KIAA0319: variants seen among roughly 807,000 people sequenced by gnomAD.
The protein encoded by KIAA0319 is KIAA0319, also known as dyslexia-associated protein KIAA0319.
KIAA0319 carries 83 observed loss-of-function variants against 108.4 expected under a neutral mutation model. The ratio of observed to expected loss-of-function variants is 0.77; its 90% confidence interval spans 0.64 to 0.92. The LOEUF (loss-of-function observed/expected upper bound fraction) is 0.92, where lower values mean the gene tolerates loss of function less well. KIAA0319 is among the 40% of genes least tolerant of loss of function. KIAA0319 has a pLI of 0.00. For synonymous variants in KIAA0319, 484 were observed against 510.4 expected (o/e 0.95, Z 0.70); for missense variants, 1,195 against 1,322.4 (o/e 0.90, Z 1.49).
chr6:24,608,026 A>T (rs535825240), intron 1 of KIAA0319, among the ~76,000 whole-genome samples: 2 of 152,306 alleles, frequency 1.3e-5, no homozygotes, highest in African/African-American at 2.4e-5. Context: ...CATCGCTTCA[A>T]ATTCTAACAA....
intron 1 of KIAA0319, among the ~76,000 whole-genome samples, chr6:24,624,017 C>CTTTTCTTTT (rs1774342718): frequency 2.0e-5 from 1 of 50,538 alleles, no homozygotes; most frequent in Non-Finnish European, 3.6e-5. Context: ...TCTTTGTTTT[C>CTTTTCTTTT]TTTTTTTTTT....
intron 1 of KIAA0319, among the ~76,000 whole-genome samples, chr6:24,608,459 C>A (rs13204166): frequency 6.6e-6 from 1 of 151,500 alleles, no homozygotes; most frequent in Non-Finnish European, 1.5e-5. Flanking sequence ...AGAAAAAAGG[C>A]CAAAATTTTT....
At chr6:24,582,673 C>A (rs1264200700) in intron 5 of KIAA0319, among the ~76,000 whole-genome samples, 1 of 130,942 alleles carries the variant, frequency 7.6e-6, no homozygotes, top group African/African-American at 2.9e-5. Context: ...AAAAAAAAAA[C>A]CTCCCTAACT....
intron 1 of KIAA0319, chr6:24,601,429 G>T: frequency 1.8e-6 from 1 of 546,864 alleles, no homozygotes; most frequent in Non-Finnish European, 2.3e-6. Flanking sequence ...CTTACAAGCT[G>T]TGGAAATAAA....
At chr6:24,597,667 C>G (rs528637658) in intron 2 of KIAA0319, among the ~76,000 whole-genome samples, 2 of 152,058 alleles carry the variant, frequency 1.3e-5, no homozygotes, top group Admixed American at 6.5e-5. Context: ...TTTGTATGCT[C>G]TATGAATCCT....
At chr6:24,610,280 T>G (rs1162705378) in intron 1 of KIAA0319, among the ~76,000 whole-genome samples, 1 of 152,116 alleles carries the variant, frequency 6.6e-6, no homozygotes. Context: ...AGAACCTGAA[T>G]AGACAGTTCT....
intron 1 of KIAA0319, among the ~76,000 whole-genome samples, chr6:24,628,938 G>A (rs6938411): frequency 0.71 from 107,671 of 151,898 alleles, 38,818 homozygotes; most frequent in East Asian, 0.87. Context: ...TTATTTTTAC[G>A]TAAGGTCACA....
Position 24,596,041 on chromosome 6 carries a change from C to T in KIAA0319, c.633G>A (p.Gln211=), listed in dbSNP as rs1769502001. The change falls in exon 3 of 21, where the codon CAG becomes CAA. Residue 211 remains glutamine (Q), a synonymous_variant. Transcript: ENST00000378214. ...CATTCAGGTAATGGAGCTCAGGGTC[C>T]TGCTGCGTCTCCGCTGGCACCGCAG... The part of the protein sequence containing the change: ...DSPAVPAETQ[Q]DPELHYLNES... The T allele has an allele frequency of 6.2e-7, 1 of 1,614,016 alleles. No homozygotes were observed.
chr6:24,598,720 A>G (rs1312870390), intron 2 of KIAA0319: 8 of 257,396 alleles, frequency 3.1e-5, no homozygotes, highest in Non-Finnish European at 6.2e-5. Context: ...TACTAAAAAT[A>G]CAAAAATTAA....
At position 24,582,304 on chromosome 6, in the gene KIAA0319, G is replaced by A. The variant is rs1582057843; in HGVS notation, c.1136C>T (p.Thr379Ile). ...NYEWNLISHP[T>I]DYQGEIKQGH... ...TTGTTTTATTTCACCTTGGTAGTCT[G>A]TGGGGTGGCTTATTAAATTCCATTC... The change falls in exon 6 of 21, where the codon ACA (threonine) becomes ATA (isoleucine). Residue 379 changes from threonine to isoleucine, a missense_variant. Coordinates refer to ENST00000378214, the MANE Select transcript of KIAA0319 (RefSeq NM_014809.4). The A allele has an allele frequency of 4.3e-6, 7 of 1,611,944 alleles. No individual in the cohort carries two copies. In the East Asian group the frequency reaches 1.6e-4, roughly 36 times the overall value.
chr6:24,566,488 A>G, intron 14 of KIAA0319, 109 bp downstream of exon 14: 2 of 972,856 alleles, frequency 2.1e-6, no homozygotes, highest in Non-Finnish European at 2.9e-6. Context: ...GCCTCCTTAT[A>G]CTTATATCCT....
At position 24,546,080 on chromosome 6, in the gene KIAA0319, T is replaced by C. The variant is rs527526186; in HGVS notation, c.*1085A>G. The stretch of plus-strand genomic sequence containing the variant: ...TACTGCTTTGTGGGTGGGAATGTTT[T>C]AATTGTCTTTCATGTTTGAAATAAG... On this transcript the variant is annotated 3_prime_UTR_variant, in exon 21 of 21. Coordinates refer to ENST00000378214, the MANE Select transcript of KIAA0319 (RefSeq NM_014809.4). 3.3e-5 allele frequency: 5 copies of C among 152,368 alleles called. No homozygotes were observed. The highest frequency in any genetic ancestry group is 1.3e-4 in the Admixed American group (2 of 15,306). The allele number at this position is 152,368 out of a possible 1,614,324, so 9.4% of individuals were successfully genotyped here. A position where few individuals can be genotyped will look rare whatever the true frequency, so the allele number is the denominator to read the frequency against.
chr6:24,557,568 G>A (rs926123884), intron 17 of KIAA0319, among the ~76,000 whole-genome samples: 6 of 152,330 alleles, frequency 3.9e-5, no homozygotes, highest in Non-Finnish European at 8.8e-5. Flanking sequence ...TTTATCTGGA[G>A]TGCAATGGCA....
chr6:24,575,987 A>G (rs888170121), intron 10 of KIAA0319, among the ~76,000 whole-genome samples: 4 of 152,250 alleles, frequency 2.6e-5, no homozygotes, highest in African/African-American at 9.6e-5. Flanking sequence ...ACAAGATAAC[A>G]TGGAGTTTCT....
chr6:24,595,353 T>TG (rs1769312859), intron 3 of KIAA0319, among the ~76,000 whole-genome samples: 1 of 152,032 alleles, frequency 6.6e-6, no homozygotes, highest in Admixed American at 6.6e-5. Flanking sequence ...TAGACCATCC[T>TG]GGCTAACATG....
In KIAA0319 at chr6:24,568,376, A is replaced by C. The variant is rs796239152; in HGVS notation, c.2140+405T>G. 7.2e-5 allele frequency among the ~76,000 whole-genome samples: 11 copies of C among 152,360 alleles called. 1 individual carries two copies. The highest frequency in any genetic ancestry group is 4.1e-4 in the South Asian group (2 of 4,832). On this transcript the variant is annotated intron_variant, in intron 13 of 20. Coordinates refer to ENST00000378214, the MANE Select transcript of KIAA0319 (RefSeq NM_014809.4). ...GTCAAATGGGAAGACAGACAAGGAG[A>C]CAAGTACCTAAAGCAGTATTCACTA...
In KIAA0319 at chr6:24,547,132, A is replaced by G; in HGVS notation, c.*33T>C. On this transcript the variant is annotated 3_prime_UTR_variant, in exon 21 of 21. Coordinates refer to ENST00000378214, the MANE Select transcript of KIAA0319 (RefSeq NM_014809.4). Reference sequence around the variant, plus strand: ...CTCCCACTGACTGGTCTTGGATTCAAGGGGTCCTTCCACTTTACAATGAAC... The same window carrying G: ...CTCCCACTGACTGGTCTTGGATTCAGGGGGTCCTTCCACTTTACAATGAAC... 6.2e-7 allele frequency: 1 copy of G among 1,609,830 alleles called. No individual in the cohort carries two copies.
intron 13 of KIAA0319, among the ~76,000 whole-genome samples, chr6:24,567,742 C>A (rs1276142344): frequency 6.6e-6 from 1 of 152,124 alleles, no homozygotes; most frequent in Non-Finnish European, 1.5e-5. Flanking sequence ...AAAGCCATTT[C>A]TGATGTAATA....
At chr6:24,581,484 A>C (rs1302939484) in intron 6 of KIAA0319, among the ~76,000 whole-genome samples, 1 of 152,182 alleles carries the variant, frequency 6.6e-6, no homozygotes, top group Non-Finnish European at 1.5e-5. Flanking sequence ...CTAGTCGCTA[A>C]GTCGGTTTAT....
Sources: gnomAD v4.1 joint callset for allele counts (sites outside exome capture counted in the v4.1 genomes callset) on GRCh38, gnomAD v4.1.1 for gene constraint, MANE v1.5 for transcripts, NCBI Gene and HGNC (gene_info 2026-07-23, HGNC 2026-07-21) for gene names.